Variants in ADAM20 observed in about 807,000 individuals in gnomAD.
ADAM20 encodes the protein ADAM metallopeptidase domain 20, also known as disintegrin and metalloproteinase domain-containing protein 20.
For synonymous variants in ADAM20, 305 were observed against 310.2 expected, an observed-to-expected ratio of 0.98 and a Z score of 0.18; for missense variants, 871 against 883.2, an observed-to-expected ratio of 0.99 and a Z score of 0.18.
the ADAM20 span, among the ~76,000 whole-genome samples, chr14:70,552,987 T>A: frequency 2.0e-5 from 1 of 50,564 alleles, no homozygotes; most frequent in Non-Finnish European, 3.7e-5. Context: ...CCATAAAAAA[T>A]GATGAGTTCA....
intron 1 of ADAM20, among the ~76,000 whole-genome samples, chr14:70,527,238 A>T (rs10141276): frequency 0.042 from 6,451 of 152,170 alleles, 242 homozygotes; most frequent in African/African-American, 0.097. Flanking sequence ...AGTCATTCTT[A>T]TCTCTCCCTG....
the ADAM20 span, among the ~76,000 whole-genome samples, chr14:70,562,812 A>C: frequency 0.042 from 6,449 of 152,236 alleles, 241 homozygotes; most frequent in African/African-American, 0.097. Flanking sequence ...TGGAACTGTG[A>C]GTCAATTAAA....
At chr14:70,558,971 T>C in the ADAM20 span, among the ~76,000 whole-genome samples, 1 of 152,162 alleles carries the variant, frequency 6.6e-6, no homozygotes, top group Non-Finnish European at 1.5e-5. Flanking sequence ...TCTTTTTAAC[T>C]CTCTCTGTAC....
chr14:70,536,982 G>C (rs1440300078), upstream of ADAM20, among the ~76,000 whole-genome samples: 1 of 150,560 alleles, frequency 6.6e-6, no homozygotes, highest in Non-Finnish European at 1.5e-5. Flanking sequence ...GCCCCTCTCA[G>C]GTTTATTCTC....
chr14:70,541,631 A>T, the ADAM20 span, among the ~76,000 whole-genome samples: 1 of 152,372 alleles, frequency 6.6e-6, no homozygotes, highest in Admixed American at 6.5e-5. Flanking sequence ...ACACTAATAT[A>T]AAGGTAAAAC....
chr14:70,524,065 C>CTGCA lies in ADAM20; in HGVS notation c.689_692dup (p.Gln231HisfsTer4), dbSNP rs768474368. Reference sequence around the variant, plus strand: ...TATTGACAACGTTAAATACTTCATGCTGCACTGTTGTTGCATTACTTTGAG... The same window carrying CTGCA: ...TATTGACAACGTTAAATACTTCATGCTGCATGCACTGTTGTTGCATTACTTTGAG... On this transcript the variant is annotated frameshift_variant, in exon 2 of 2. Coordinates refer to ENST00000256389, the MANE Select transcript of ADAM20 (RefSeq NM_003814.5). LOFTEE classifies it low-confidence loss of function (END_TRUNC). 1 of 1,613,948 alleles carries CTGCA rather than the reference C, an allele frequency of 6.2e-7. No individual in the cohort carries two copies. The highest frequency in any genetic ancestry group is 8.5e-7 in the Non-Finnish European group (1 of 1,179,958).
chr14:70,530,496 C>A (rs1011642680), intron 1 of ADAM20, among the ~76,000 whole-genome samples: 1 of 152,132 alleles, frequency 6.6e-6, no homozygotes, highest in Non-Finnish European at 1.5e-5. Flanking sequence ...ACTTTATGTA[C>A]TACACATAAT....
chr14:70,573,303 C>T, the ADAM20 span, among the ~76,000 whole-genome samples: 1 of 152,122 alleles, frequency 6.6e-6, no homozygotes, highest in African/African-American at 2.4e-5. Flanking sequence ...AGCTGGAGGC[C>T]ATTACCCTAA....
In ADAM20 at chr14:70,524,374, A is replaced by G. The variant is rs761362349; in HGVS notation, c.384T>C (p.Cys128=). 3 of 1,614,014 alleles carry G rather than the reference A, an allele frequency of 1.9e-6. No individual in the cohort carries two copies. Among genetic ancestry groups the G allele is most frequent in the Non-Finnish European group, 1.7e-6 (2 of 1,179,938 alleles). ...GTAGCATTCCAAGAAAGCCCCCAGA[A>G]CAGGTACTAAGGGCAACCAAGGACT... is the stretch of plus-strand genomic sequence containing the variant. ...VPESLVALST[C]SGGFLGMLQI... is the part of the protein sequence containing the mutation. The change falls in exon 2 of 2, where the codon TGT becomes TGC. Residue 128 remains cysteine (C), a synonymous_variant. Transcript: ENST00000256389.
At chr14:70,563,231 C>G in the ADAM20 span, among the ~76,000 whole-genome samples, 1 of 152,048 alleles carries the variant, frequency 6.6e-6, no homozygotes, top group Non-Finnish European at 1.5e-5. Flanking sequence ...AGGTAATTAG[C>G]AGCCCTCATT....
intron 1 of ADAM20, 23 bp from the exon 2 acceptor site, chr14:70,524,956 G>T: frequency 6.5e-7 from 1 of 1,530,370 alleles, no homozygotes; most frequent in Non-Finnish European, 8.8e-7. Context: ...GGATGGGGTG[G>T]GTGGGATAGA....
the ADAM20 span, among the ~76,000 whole-genome samples, chr14:70,545,424 C>G: frequency 0.022 from 3,336 of 152,242 alleles, 92 homozygotes; most frequent in East Asian, 0.13. Context: ...GCTGTGCTCA[C>G]CTGACACCTG....
the ADAM20 span, among the ~76,000 whole-genome samples, chr14:70,561,343 A>G: frequency 6.6e-6 from 1 of 152,268 alleles, no homozygotes; most frequent in Non-Finnish European, 1.5e-5. Flanking sequence ...GTGTATGCAC[A>G]TATTCATGAA....
rs760618847 is a variant in ADAM20 at position 70,522,685 on chromosome 14, C to T, written c.2073G>A (p.Leu691=). 5 of 1,613,958 alleles carry T rather than the reference C, an allele frequency of 3.1e-6. No individual in the cohort carries two copies. In the South Asian group the frequency reaches 4.4e-5, roughly 14 times the overall value. The part of the protein sequence containing the change: ...NMEGLNVMGK[L]RYLSLLCLLP... ...GAAGGCACAATAGTGACAGGTAACG[C>T]AACTTTCCCATCACATTTAATCCTT... Residue 691 remains leucine, a synonymous_variant, in exon 2 of 2, where the codon TTG becomes TTA. Transcript: ENST00000256389.
upstream of ADAM20, among the ~76,000 whole-genome samples, chr14:70,535,782 C>T (rs1883819146): frequency 6.6e-6 from 1 of 151,912 alleles, no homozygotes. Context: ...CAAAAGAAAG[C>T]CAAAGAAACC....
intron 1 of ADAM20, among the ~76,000 whole-genome samples, chr14:70,534,093 A>AC (rs1397678475): frequency 6.1e-5 from 9 of 147,834 alleles, no homozygotes; most frequent in Non-Finnish European, 1.1e-4. Context: ...AAAAAAAAAA[A>AC]AAAAAAAAAA....
At chr14:70,570,125 C>A in the ADAM20 span, among the ~76,000 whole-genome samples, 7 of 150,914 alleles carry the variant, frequency 4.6e-5, no homozygotes, top group Non-Finnish European at 1.0e-4. Context: ...TACACCCACA[C>A]CTCTTGAGTA....
chr14:70,573,499 T>C, the ADAM20 span, among the ~76,000 whole-genome samples: 4 of 152,068 alleles, frequency 2.6e-5, no homozygotes, highest in Admixed American at 1.3e-4. Flanking sequence ...ATTTGGGTGA[T>C]GGGTTCATTA....
chr14:70,570,067 C>A, the ADAM20 span, among the ~76,000 whole-genome samples: 1 of 151,914 alleles, frequency 6.6e-6, no homozygotes, highest in Non-Finnish European at 1.5e-5. Context: ...AAGCAAGTCT[C>A]AATAAATGCA....
Sources: gnomAD v4.1 joint callset for allele counts (sites outside exome capture counted in the v4.1 genomes callset) on GRCh38, gnomAD v4.1.1 for gene constraint, MANE v1.5 for transcripts, NCBI Gene and HGNC (gene_info 2026-07-23, HGNC 2026-07-21) for gene names.